The following CFTR variants were observed in gnomAD, a reference collection of about 807,000 sequenced individuals.
CFTR encodes the protein CF transmembrane conductance regulator, also known as cystic fibrosis transmembrane conductance regulator.
CFTR carries 181 observed loss-of-function variants against 171.6 expected under a neutral mutation model. That is an observed-to-expected ratio of 1.05 (90% confidence interval 0.93 to 1.19). The LOEUF is 1.19. Ranked by LOEUF, CFTR falls within the 50% of genes most tolerant of loss-of-function variation. CFTR has a pLI of 0.00. For missense variants in CFTR, 1,968 were observed against 1,734.7 expected, an observed-to-expected ratio of 1.13 and a Z score of -2.39; for synonymous variants, 583 against 608.0, an observed-to-expected ratio of 0.96 and a Z score of 0.60.
chr7:117,579,975 C>G (rs1260470288), intron 11 of CFTR, among the ~76,000 whole-genome samples: 1 of 151,610 alleles, frequency 6.6e-6, no homozygotes, highest in Non-Finnish European at 1.5e-5. Flanking sequence ...ATAGGATACT[C>G]AATGTATAAC....
intron 21 of CFTR, among the ~76,000 whole-genome samples, chr7:117,617,447 T>C (rs1049021305): frequency 2.0e-5 from 3 of 152,162 alleles, no homozygotes; most frequent in Non-Finnish European, 4.4e-5. Flanking sequence ...ACAACCTTTT[T>C]TATTAGATTT....
intron 1 of CFTR, among the ~76,000 whole-genome samples, chr7:117,481,871 G>T (rs1162083067): frequency 6.6e-6 from 1 of 152,188 alleles, no homozygotes; most frequent in African/African-American, 2.4e-5. Flanking sequence ...TTTTGATTCA[G>T]ATCCTACATC....
At position 117,559,711 on chromosome 7, in the gene CFTR, A is replaced by T. The variant is rs1799428955; in HGVS notation, c.1584+56A>T. On this transcript the variant is annotated intron_variant, in intron 11 of 26. Coordinates refer to ENST00000003084, the MANE Select transcript of CFTR (RefSeq NM_000492.4). ...TGCATATGAACCCTTCACACTACCC[A>T]AATTATATATTTGGCTCCATATTCA... The T allele has an allele frequency of 4.2e-6, 5 of 1,191,574 alleles. No individual in the cohort carries two copies. In the East Asian group the frequency reaches 1.2e-4, roughly 28 times the overall value. 73.8% of individuals were successfully genotyped at this position (1,191,574 alleles called of 1,614,324 possible).
intron 11 of CFTR, among the ~76,000 whole-genome samples, chr7:117,571,304 G>C (rs1232205921): frequency 6.6e-6 from 1 of 152,148 alleles, no homozygotes; most frequent in Admixed American, 6.6e-5. Context: ...TCCAGAGCAG[G>C]AACAGATTTC....
At position 117,592,304 on chromosome 7, in the gene CFTR, A is replaced by G. The variant is rs1217700108; in HGVS notation, c.2137A>G (p.Ile713Val). 1.2e-6 allele frequency: 2 copies of G among 1,614,028 alleles called. No homozygotes were observed. The highest frequency in any genetic ancestry group is 1.3e-5 in the African/African-American group (1 of 74,938). ...AATCAACTCTATACGAAAATTTTCCATTGTGCAAAAGACTCCCTTACAAAT... is the reference window on the plus strand; with the variant it reads ...AATCAACTCTATACGAAAATTTTCCGTTGTGCAAAAGACTCCCTTACAAAT... The part of the protein sequence containing the change: ...NPINSIRKFS[I>V]VQKTPLQMNG... Residue 713 changes from isoleucine to valine, a missense_variant, in exon 14 of 27, where the codon ATT (isoleucine) becomes GTT (valine). By Grantham distance (29) the Ile-to-Val change is conservative. Coordinates refer to ENST00000003084, the MANE Select transcript of CFTR (RefSeq NM_000492.4).
chr7:117,541,949 G>T lies in CFTR; in HGVS notation c.1117-67G>T. On this transcript the variant is annotated intron_variant, in intron 8 of 26. Transcript: ENST00000003084. ...AGATGTAGCACAATGAGAGTATAAA[G>T]TAGATGTAATAATGCATTAATGCTA... 3 of 734,370 alleles carry T rather than the reference G, an allele frequency of 4.1e-6. No individual in the cohort carries two copies. In the Admixed American group the frequency reaches 5.6e-5, roughly 14 times the overall value. The allele number at this position is 734,370 out of a possible 1,614,324, so 45.5% of individuals were successfully genotyped here.
At chr7:117,588,243 T>A (rs911485227) in intron 12 of CFTR, among the ~76,000 whole-genome samples, 2 of 152,106 alleles carry the variant, frequency 1.3e-5, no homozygotes, top group Non-Finnish European at 2.9e-5. Context: ...AAATTTTTCA[T>A]CATAATTTTC....
intron 23 of CFTR, among the ~76,000 whole-genome samples, chr7:117,644,455 G>A (rs562767608): frequency 4.0e-5 from 6 of 151,828 alleles, no homozygotes; most frequent in African/African-American, 1.4e-4. Flanking sequence ...AAAATCCAAA[G>A]AAAATTATGT....
At chr7:117,507,869 G>A (rs1798446487) in intron 2 of CFTR, among the ~76,000 whole-genome samples, 1 of 152,174 alleles carries the variant, frequency 6.6e-6, no homozygotes, top group African/African-American at 2.4e-5. Flanking sequence ...TCAGCTCACT[G>A]CAAACTCTGC....
chr7:117,485,725 A>T (rs1365347298), intron 1 of CFTR, among the ~76,000 whole-genome samples: 1 of 152,128 alleles, frequency 6.6e-6, no homozygotes, highest in African/African-American at 2.4e-5. Context: ...GCTGTATTCA[A>T]GTTGCAAGGC....
intron 21 of CFTR, among the ~76,000 whole-genome samples, chr7:117,619,730 G>T (rs1792544772): frequency 6.6e-6 from 1 of 152,116 alleles, no homozygotes; most frequent in Non-Finnish European, 1.5e-5. Flanking sequence ...AATAACATAA[G>T]AATAAGAAAG....
intron 3 of CFTR, among the ~76,000 whole-genome samples, chr7:117,524,808 G>A (rs1471754751): frequency 3.9e-5 from 6 of 152,164 alleles, no homozygotes; most frequent in African/African-American, 1.4e-4. Context: ...ATGTTAGGCA[G>A]TGCTTAGAAT....
At chr7:117,513,894 A>G (rs2116648016) in intron 3 of CFTR, among the ~76,000 whole-genome samples, 1 of 152,270 alleles carries the variant, frequency 6.6e-6, no homozygotes, top group Non-Finnish European at 1.5e-5. Flanking sequence ...TCTAACACAG[A>G]TGCACTTTCT....
intron 1 of CFTR, among the ~76,000 whole-genome samples, chr7:117,494,385 G>A (rs1252140816): frequency 6.6e-6 from 1 of 152,064 alleles, no homozygotes; most frequent in Non-Finnish European, 1.5e-5. Context: ...AAGTCATAAG[G>A]ATGTCTAGCA....
Position 117,654,265 on chromosome 7 carries a change from G to A in CFTR, c.3963+1334G>A, listed in dbSNP as rs187636217. ...CATTGCCCTAATGTGGGCTCTATGT[G>A]GTGACCTCACCCCTGGGCCTCTACC... On this transcript the variant is annotated intron_variant, in intron 24 of 26. Transcript: ENST00000003084. Among the ~76,000 whole-genome samples the A allele has an allele frequency of 3.2e-3, 486 of 152,254 alleles. 4 individuals carry two copies. The highest frequency in any genetic ancestry group is 0.011 in the African/African-American group (457 of 41,542).
chr7:117,492,271 T>A (rs1249651498), intron 1 of CFTR, among the ~76,000 whole-genome samples: 1 of 152,122 alleles, frequency 6.6e-6, no homozygotes, highest in Non-Finnish European at 1.5e-5. Context: ...GAAGAAACAT[T>A]ATTAAAGAAT....
chr7:117,539,745 C>T (rs1239193061), intron 7 of CFTR, among the ~76,000 whole-genome samples: 1 of 151,298 alleles, frequency 6.6e-6, no homozygotes, highest in East Asian at 1.9e-4. Flanking sequence ...AATGATTAGT[C>T]TAACTAATAT....
At chr7:117,590,561 A>G in intron 13 of CFTR, 122 bp downstream of exon 13, 1 of 1,235,516 alleles carries the variant, frequency 8.1e-7, no homozygotes. Context: ...GTATGGCAGA[A>G]TGTAGCATGG....
chr7:117,537,651 G>T (rs1798979138), intron 7 of CFTR, among the ~76,000 whole-genome samples: 1 of 152,144 alleles, frequency 6.6e-6, no homozygotes. Flanking sequence ...CAAAAGAAAT[G>T]CTGAAATATT....
Sources: gnomAD v4.1 joint callset for allele counts (sites outside exome capture counted in the v4.1 genomes callset) on GRCh38, gnomAD v4.1.1 for gene constraint, MANE v1.5 for transcripts, NCBI Gene and HGNC (gene_info 2026-07-23, HGNC 2026-07-21) for gene names.